The following RELN variants were observed in gnomAD, a reference collection of about 807,000 sequenced individuals.
The protein encoded by RELN is reelin.
In RELN, 108 loss-of-function variants were observed where a neutral mutation model predicts 427.6. The observed-to-expected ratio is 0.25, with a 90% CI of 0.22 to 0.30. RELN has a LOEUF of 0.30. RELN is among the 10% of genes least tolerant of loss of function. The pLI is 1.00. For missense variants in RELN, 3,715 were observed against 4,302.8 expected (o/e 0.86, Z 3.82); for synonymous variants, 1,524 against 1,513.4 (o/e 1.01, Z -0.16).
At chr7:103,854,008 A>T (rs1255511023) in intron 2 of RELN, among the ~76,000 whole-genome samples, 2 of 152,164 alleles carry the variant, frequency 1.3e-5, no homozygotes, top group African/African-American at 4.8e-5. Context: ...ATAAATGTTT[A>T]AGGTGATGGA....
At chr7:103,533,610 T>C (rs1829986809) in intron 46 of RELN, among the ~76,000 whole-genome samples, 1 of 152,150 alleles carries the variant, frequency 6.6e-6, no homozygotes, top group African/African-American at 2.4e-5. Flanking sequence ...TTGAGGGTAA[T>C]ATAATAAACA....
chr7:103,939,203 C>T (rs1273756164), intron 1 of RELN, among the ~76,000 whole-genome samples: 1 of 152,164 alleles, frequency 6.6e-6, no homozygotes, highest in Non-Finnish European at 1.5e-5. Context: ...CCCACCTTGG[C>T]TTCCCAAAGT....
rs1833499813 is a variant in RELN at position 103,675,577 on chromosome 7, C to T, written c.1289+6539G>A. 2.0e-5 allele frequency among the ~76,000 whole-genome samples: 3 copies of T among 152,178 alleles called. 1 individual carries two copies. Among genetic ancestry groups the T allele is most frequent in the African/African-American group, 7.2e-5 (3 of 41,440 alleles). On this transcript the variant is annotated intron_variant, in intron 11 of 64. Transcript: ENST00000428762. ...GGAACCAAAAAAGAGCCCACATTGCCAAGACAATCCTAAGCCAAAAGAACA... is the reference window on the plus strand; with the variant it reads ...GGAACCAAAAAAGAGCCCACATTGCTAAGACAATCCTAAGCCAAAAGAACA...
At position 103,977,310 on chromosome 7, in the gene RELN, C is replaced by CAAAAAAAA. The variant is rs201026012; in HGVS notation, c.226+11813_226+11820dup. On this transcript the variant is annotated intron_variant, in intron 1 of 64. Coordinates refer to ENST00000428762, the MANE Select transcript of RELN (RefSeq NM_005045.4). ...TGGGTGACAGAGTGAGACTCTGTCT[C>CAAAAAAAA]AAAAAAAAAAAAAAAAAAAAAAAAA... Among the ~76,000 whole-genome samples, 40 of 88,260 alleles carry CAAAAAAAA rather than the reference C, an allele frequency of 4.5e-4. 1 individual carries two copies. Among genetic ancestry groups the CAAAAAAAA allele is most frequent in the African/African-American group, 2.0e-3 (38 of 19,274 alleles). 57.9% of individuals were successfully genotyped at this position (88,260 alleles called of 152,430 possible). A position where few individuals can be genotyped will look rare whatever the true frequency, so the allele number is the denominator to read the frequency against.
At chr7:103,586,695 C>A (rs1024362624) in intron 28 of RELN, among the ~76,000 whole-genome samples, 2 of 152,114 alleles carry the variant, frequency 1.3e-5, no homozygotes, top group African/African-American at 4.8e-5. Flanking sequence ...AGTTTAAGGA[C>A]ACAAAATAAA....
intron 1 of RELN, among the ~76,000 whole-genome samples, chr7:103,976,308 T>C (rs1486201453): frequency 1.3e-5 from 2 of 152,220 alleles, no homozygotes; most frequent in African/African-American, 2.4e-5. Context: ...AAATATACGA[T>C]GTCTTAGGTG....
chr7:103,972,773 G>T (rs748365359), intron 1 of RELN, among the ~76,000 whole-genome samples: 14 of 152,144 alleles, frequency 9.2e-5, no homozygotes, highest in Non-Finnish European at 1.8e-4. Context: ...AGCTAAATTA[G>T]AAAGAACAAG....
intron 1 of RELN, among the ~76,000 whole-genome samples, chr7:103,926,451 G>A (rs1402392757): frequency 6.6e-6 from 1 of 151,870 alleles, no homozygotes. Flanking sequence ...TCTTAAATAT[G>A]TTCATATTTG....
chr7:103,846,823 C>T (rs953350731), intron 2 of RELN, among the ~76,000 whole-genome samples: 1 of 152,166 alleles, frequency 6.6e-6, no homozygotes, highest in East Asian at 1.9e-4. Context: ...AATAAAAAAG[C>T]TCATCATCAC....
chr7:103,801,576 G>A (rs1213277210), intron 3 of RELN, among the ~76,000 whole-genome samples: 2 of 150,040 alleles, frequency 1.3e-5, no homozygotes. Context: ...ACTGGGGCCT[G>A]TTGTGGGGTG....
intron 19 of RELN, 74 bp downstream of exon 19, chr7:103,635,351 T>A: frequency 6.6e-7 from 1 of 1,517,354 alleles, no homozygotes; most frequent in Non-Finnish European, 9.1e-7. Context: ...TAGAATTTTA[T>A]ACCATTTGAA....
intron 34 of RELN, among the ~76,000 whole-genome samples, chr7:103,564,221 A>G (rs950958306): frequency 2.0e-5 from 3 of 152,250 alleles, no homozygotes; most frequent in Non-Finnish European, 2.9e-5. Context: ...TAAATACTAA[A>G]ATGTTTTGGC....
intron 22 of RELN, among the ~76,000 whole-genome samples, chr7:103,605,745 A>ATTAAAG (rs1831803783): frequency 6.6e-6 from 1 of 152,232 alleles, no homozygotes; most frequent in South Asian, 2.1e-4. Flanking sequence ...AGTCTATTGC[A>ATTAAAG]TCAATTACCC....
intron 3 of RELN, among the ~76,000 whole-genome samples, chr7:103,823,397 A>T (rs944886653): frequency 7.2e-5 from 11 of 151,912 alleles, no homozygotes; most frequent in African/African-American, 2.7e-4. Context: ...ATGATTTTTA[A>T]ATTTACCCTT....
intron 3 of RELN, among the ~76,000 whole-genome samples, chr7:103,818,598 T>A (rs1239895169): frequency 6.6e-6 from 1 of 152,156 alleles, no homozygotes; most frequent in African/African-American, 2.4e-5. Flanking sequence ...AACCTTAACA[T>A]AAAAATAACA....
intron 2 of RELN, among the ~76,000 whole-genome samples, chr7:103,899,479 G>C (rs970014206): frequency 3.3e-5 from 5 of 151,994 alleles, no homozygotes; most frequent in African/African-American, 1.2e-4. Context: ...ACCTGGCAGA[G>C]ACACAACAAA....
chr7:103,685,617 T>C (rs560151240), intron 10 of RELN, among the ~76,000 whole-genome samples: 1 of 152,170 alleles, frequency 6.6e-6, no homozygotes, highest in Non-Finnish European at 1.5e-5. Context: ...CATTATTATA[T>C]AATTATAATT....
intron 4 of RELN, among the ~76,000 whole-genome samples, chr7:103,759,300 C>G (rs895416575): frequency 3.9e-5 from 6 of 152,212 alleles, no homozygotes; most frequent in African/African-American, 1.2e-4. Context: ...TTACGTGGAA[C>G]AGTCATGAAA....
At chr7:103,636,112 C>G in intron 18 of RELN, 123 bp downstream of exon 18, 3 of 770,252 alleles carry the variant, frequency 3.9e-6, no homozygotes, top group Non-Finnish European at 6.8e-6. Context: ...TGTAGGCTCC[C>G]TCCAACCCTA....
Sources: gnomAD v4.1 joint callset for allele counts (sites outside exome capture counted in the v4.1 genomes callset) on GRCh38, gnomAD v4.1.1 for gene constraint, MANE v1.5 for transcripts, NCBI Gene and HGNC (gene_info 2026-07-23, HGNC 2026-07-21) for gene names.